ZNF723: variants seen among roughly 807,000 people sequenced by gnomAD.
ZNF723 encodes zinc finger protein 723.
In ZNF723, 5 loss-of-function variants were observed where a neutral mutation model predicts 9.4. That is an observed-to-expected ratio of 0.53 (90% CI 0.28 to 1.12). ZNF723 has a LOEUF of 1.12. Ranked by LOEUF, ZNF723 falls within the 50% of genes most tolerant of loss-of-function variation. The probability of loss-of-function intolerance (pLI) is 0.10; values close to 1 mark genes in which losing one functional copy is unlikely to be tolerated. For synonymous variants in ZNF723, 158 were observed against 168.8 expected, an observed-to-expected ratio of 0.94 and a Z score of 0.49; for missense variants, 450 against 501.5, an observed-to-expected ratio of 0.90 and a Z score of 0.98.
intron 3 of ZNF723, among the ~76,000 whole-genome samples, chr19:22,854,591 C>G (rs1568408780): frequency 6.8e-6 from 1 of 147,526 alleles, no homozygotes; most frequent in East Asian, 1.9e-4. Context: ...TCTCTTTCTG[C>G]CCTCTTTTGT....
the ZNF723 span, among the ~76,000 whole-genome samples, chr19:22,825,476 C>A: frequency 2.6e-5 from 4 of 152,168 alleles, no homozygotes; most frequent in South Asian, 6.2e-4. Flanking sequence ...TAGGCCAAGC[C>A]CTTAGATGGT....
intron 1 of ZNF723, among the ~76,000 whole-genome samples, chr19:22,838,014 A>C (rs1459405556): frequency 6.6e-6 from 1 of 152,242 alleles, no homozygotes; most frequent in Non-Finnish European, 1.5e-5. Flanking sequence ...CCACCCATTG[A>C]GTTCCTTTCT....
rs1967515265 is a variant in ZNF723, at chr19:22,858,380, A to C, written c.1489A>C (p.Asn497His). The change falls in exon 4 of 4, where the codon AAC (asparagine) becomes CAC (histidine). Residue 497 changes from asparagine to histidine, a missense_variant. Around this residue, in one of 5 missense-constraint regions of ZNF723, gnomAD observed 43 missense variants for 22.2 expected, o/e 1.94. Transcript: ENST00000600766. ...GKAFNKSSIL[N>H]RHKIIHTKEK... is the part of the protein sequence containing the mutation. ...AGCCTTTAACAAGTCCTCAATTCTTAACAGACATAAGATAATTCATACTAA... is the reference window on the plus strand; with the variant it reads ...AGCCTTTAACAAGTCCTCAATTCTTCACAGACATAAGATAATTCATACTAA... 5.9e-6 allele frequency: 5 copies of C among 845,180 alleles called. No individual in the cohort carries two copies. Among genetic ancestry groups the C allele is most frequent in the Non-Finnish European group, 7.8e-6 (4 of 514,712 alleles). The allele number at this position is 845,180 out of a possible 1,614,324, so 52.4% of individuals were successfully genotyped here.
upstream of ZNF723, among the ~76,000 whole-genome samples, chr19:22,830,702 T>C (rs565090327): frequency 9.2e-5 from 14 of 152,344 alleles, no homozygotes; most frequent in African/African-American, 3.4e-4. Context: ...AAGAGTTGTA[T>C]AAACCACATA....
chr19:22,826,563 C>G, the ZNF723 span, among the ~76,000 whole-genome samples: 1 of 152,200 alleles, frequency 6.6e-6, no homozygotes, highest in South Asian at 2.1e-4. Flanking sequence ...AACTGTCACT[C>G]TCTCACATGG....
chr19:22,834,147 T>C (rs1310657060), intron 1 of ZNF723, among the ~76,000 whole-genome samples: 1 of 151,186 alleles, frequency 6.6e-6, no homozygotes, highest in Non-Finnish European at 1.5e-5. Context: ...AACACCTGAC[T>C]TCAGGTGATC....
chr19:22,821,785 G>A, the ZNF723 span, among the ~76,000 whole-genome samples: 32 of 152,288 alleles, frequency 2.1e-4, no homozygotes, highest in East Asian at 3.7e-3. Flanking sequence ...GATCACCTAC[G>A]TTTAGAAAGG....
At chr19:22,829,794 T>G (rs1454523909), upstream of ZNF723, among the ~76,000 whole-genome samples, 1 of 152,232 alleles carries the variant, frequency 6.6e-6, no homozygotes, top group East Asian at 1.9e-4. Context: ...CCCATTCTTG[T>G]ACCAGCCACA....
chr19:22,858,201 C>T lies in ZNF723; in HGVS notation c.1310C>T (p.Ser437Phe). 2 of 1,377,354 alleles carry T rather than the reference C, an allele frequency of 1.5e-6. No homozygotes were observed. Among genetic ancestry groups the T allele is most frequent in the African/African-American group, 1.4e-5 (1 of 70,176 alleles). The allele number at this position is 1,377,354 out of a possible 1,614,324, so 85.3% of individuals were successfully genotyped here. ...CAATGTGGTAAAGGTTTTAGCCAAT[C>T]CTCAACCCTTACTAAACATAAGATA... ...CKQCGKGFSQ[S>F]STLTKHKIIH... is the part of the protein sequence containing the mutation. The change falls in exon 4 of 4, where the codon TCC (serine) becomes TTC (phenylalanine). Residue 437 changes from serine to phenylalanine, a missense_variant. Around this residue, in one of 5 missense-constraint regions of ZNF723, gnomAD observed 237 missense variants for 332.2 expected, o/e 0.71. Transcript: ENST00000600766.
intron 1 of ZNF723, chr19:22,840,942 C>T (rs1447403648): frequency 6.6e-6 from 1 of 152,530 alleles, no homozygotes; most frequent in East Asian, 1.9e-4. Flanking sequence ...TGATGTGACA[C>T]TGGAGTGCTG....
At chr19:22,848,936 G>A (rs888378870) in intron 2 of ZNF723, among the ~76,000 whole-genome samples, 8 of 151,856 alleles carry the variant, frequency 5.3e-5, no homozygotes, top group Admixed American at 2.0e-4. Context: ...TGTATTTTTA[G>A]TAGAGATGGG....
At chr19:22,840,082 T>C (rs192552163) in intron 1 of ZNF723, among the ~76,000 whole-genome samples, 1 of 152,310 alleles carries the variant, frequency 6.6e-6, no homozygotes, top group Admixed American at 6.5e-5. Flanking sequence ...GTTTACTCTG[T>C]TGATAGTTTC....
chr19:22,816,588 C>T, the ZNF723 span, among the ~76,000 whole-genome samples: 9 of 152,232 alleles, frequency 5.9e-5, no homozygotes, highest in African/African-American at 1.7e-4. Flanking sequence ...GTGATTGTGA[C>T]GTATACCTCA....
At chr19:22,834,467 C>T (rs2076692807) in intron 1 of ZNF723, among the ~76,000 whole-genome samples, 1 of 150,942 alleles carries the variant, frequency 6.6e-6, no homozygotes, top group South Asian at 2.1e-4. Flanking sequence ...GGTTTTGTGT[C>T]CGCAGTCACC....
chr19:22,852,129 T>G (rs1207796661), intron 3 of ZNF723, among the ~76,000 whole-genome samples: 1 of 152,118 alleles, frequency 6.6e-6, no homozygotes, highest in Non-Finnish European at 1.5e-5. Flanking sequence ...AAGTTCTCAG[T>G]TTTTGTTTCT....
At chr19:22,827,141 C>T in the ZNF723 span, among the ~76,000 whole-genome samples, 1 of 152,186 alleles carries the variant, frequency 6.6e-6, no homozygotes, top group Non-Finnish European at 1.5e-5. Context: ...AATGTAAAGG[C>T]TGTGGTTACA....
At chr19:22,856,304 A>G (rs145905319) in intron 3 of ZNF723, among the ~76,000 whole-genome samples, 231 of 151,500 alleles carry the variant, frequency 1.5e-3, no homozygotes, top group African/African-American at 5.4e-3. Context: ...TACCTCCACA[A>G]TTTCTGTTTT....
intron 3 of ZNF723, among the ~76,000 whole-genome samples, chr19:22,850,357 C>T (rs1568407414): frequency 6.6e-6 from 1 of 151,758 alleles, no homozygotes; most frequent in African/African-American, 2.4e-5. Flanking sequence ...CAGGCACGTG[C>T]CACCATGCCC....
At chr19:22,830,768 T>C (rs1002234191), upstream of ZNF723, among the ~76,000 whole-genome samples, 1 of 152,136 alleles carries the variant, frequency 6.6e-6, no homozygotes, top group Non-Finnish European at 1.5e-5. Flanking sequence ...TTTCTTTTTT[T>C]CTTTTTCTTT....
Sources: gnomAD v4.1 joint callset for allele counts (sites outside exome capture counted in the v4.1 genomes callset) on GRCh38, gnomAD v4.1.1 for gene constraint, gnomAD v4.1.1 regional missense constraint, MANE v1.5 for transcripts, NCBI Gene and HGNC (gene_info 2026-07-23, HGNC 2026-07-21) for gene names.